DLGAP2: variants seen among roughly 807,000 people sequenced by gnomAD.
DLGAP2 encodes the protein DLG associated protein 2, also known as disks large-associated protein 2.
A neutral mutation model predicts 100.3 loss-of-function variants in DLGAP2; 26 were observed. The ratio of observed to expected loss-of-function variants is 0.26; its 90% confidence interval spans 0.19 to 0.36. The LOEUF (loss-of-function observed/expected upper bound fraction) is 0.36. DLGAP2 is among the 10% of genes least tolerant of loss of function. DLGAP2 has a pLI of 1.00. For missense variants in DLGAP2, 1,858 were observed against 1,453.2 expected (o/e 1.28, Z -4.53); for synonymous variants, 886 against 630.1 (o/e 1.41, Z -6.08).
chr8:1,584,101 C>G (rs1796038037), intron 6 of DLGAP2, among the ~76,000 whole-genome samples: 1 of 152,140 alleles, frequency 6.6e-6, no homozygotes, highest in Non-Finnish European at 1.5e-5. Flanking sequence ...AGAGCTGTCT[C>G]ATTTATCATT....
At chr8:915,461 G>A (rs1798571253) in intron 2 of DLGAP2, among the ~76,000 whole-genome samples, 1 of 152,032 alleles carries the variant, frequency 6.6e-6, no homozygotes, top group African/African-American at 2.4e-5. Context: ...GCAGGAGAAT[G>A]GTGTGAGCCC....
At chr8:1,089,687 T>C (rs1804107079) in intron 2 of DLGAP2, among the ~76,000 whole-genome samples, 1 of 152,260 alleles carries the variant, frequency 6.6e-6, no homozygotes, top group Non-Finnish European at 1.5e-5. Context: ...ATAAATGCTG[T>C]GTTCATGATT....
chr8:1,434,396 T>C (rs1797555840), intron 3 of DLGAP2, among the ~76,000 whole-genome samples: 1 of 152,100 alleles, frequency 6.6e-6, no homozygotes, highest in African/African-American at 2.4e-5. Context: ...GCCCATCTCC[T>C]GTGTAAGAGA....
chr8:1,211,354 C>T (rs1340614778), intron 2 of DLGAP2, among the ~76,000 whole-genome samples: 2 of 152,198 alleles, frequency 1.3e-5, no homozygotes, highest in Admixed American at 6.5e-5. Flanking sequence ...CACCAGCCAA[C>T]GATCTTGTTT....
chr8:1,121,526 A>T (rs144135281), intron 2 of DLGAP2, among the ~76,000 whole-genome samples: 51 of 150,948 alleles, frequency 3.4e-4, no homozygotes, highest in African/African-American at 1.2e-3. Flanking sequence ...ATTACCACCT[A>T]TCCTTGTTCC....
intron 3 of DLGAP2, among the ~76,000 whole-genome samples, chr8:1,367,466 C>G (rs1802133801): frequency 6.6e-6 from 1 of 152,218 alleles, no homozygotes; most frequent in African/African-American, 2.4e-5. Flanking sequence ...ATTCATAACT[C>G]CCAAGCCCAG....
At position 937,657 on chromosome 8, in the gene DLGAP2, T is replaced by G. The variant is rs6984078; in HGVS notation, c.73+29691T>G. ...GAATACCCTTGGAAGGCAGGGGCCT[T>G]ATCTTGCCCAACTGCCTCGCTGGGT... On this transcript the variant is annotated intron_variant, in intron 2 of 14. Transcript: ENST00000637795. Among the ~76,000 whole-genome samples, 3 of 152,050 alleles carry G rather than the reference T, an allele frequency of 2.0e-5. No individual in the cohort carries two copies. In the East Asian group the frequency reaches 5.8e-4, roughly 29 times the overall value.
chr8:947,592 C>A (rs1381739262), intron 2 of DLGAP2, among the ~76,000 whole-genome samples: 1 of 152,202 alleles, frequency 6.6e-6, no homozygotes, highest in Non-Finnish European at 1.5e-5. Context: ...CAGTCTCACA[C>A]CAACCGGCCC....
intron 2 of DLGAP2, among the ~76,000 whole-genome samples, chr8:1,011,197 G>C (rs183987034): frequency 9.0e-4 from 135 of 150,554 alleles, no homozygotes; most frequent in Non-Finnish European, 1.3e-3. Flanking sequence ...GGAATGAGGG[G>C]TCTCAGTCTG....
chr8:1,257,234 C>G (rs908070588), intron 2 of DLGAP2, among the ~76,000 whole-genome samples: 1 of 152,166 alleles, frequency 6.6e-6, no homozygotes, highest in African/African-American at 2.4e-5. Context: ...ACCTGCCACA[C>G]ACACGGCTCC....
Position 882,386 on chromosome 8 carries a change from C to T in DLGAP2, c.19-25526C>T, listed in dbSNP as rs1294306111. On this transcript the variant is annotated intron_variant, in intron 1 of 14. Transcript: ENST00000637795. Reference sequence around the variant, plus strand: ...CTGCGCGCACCCTCGCCTGATCCAGCGGTACCTCTCCCTGCGGAGGCCTCT... The same window carrying T: ...CTGCGCGCACCCTCGCCTGATCCAGTGGTACCTCTCCCTGCGGAGGCCTCT... Among the ~76,000 whole-genome samples, 7 of 148,202 alleles carry T rather than the reference C, an allele frequency of 4.7e-5. No homozygotes were observed. In the East Asian group the frequency reaches 8.2e-4, roughly 17 times the overall value.
At chr8:814,076 G>A (rs1796419930) in intron 1 of DLGAP2, among the ~76,000 whole-genome samples, 1 of 152,158 alleles carries the variant, frequency 6.6e-6, no homozygotes, top group East Asian at 1.9e-4. Flanking sequence ...GATCTAATGT[G>A]TCTTTGAAGG....
chr8:1,159,259 G>A (rs959065306), intron 2 of DLGAP2, among the ~76,000 whole-genome samples: 2 of 152,186 alleles, frequency 1.3e-5, no homozygotes, highest in Non-Finnish European at 1.5e-5. Context: ...TCAAATTACT[G>A]CTTTATCTGT....
At chr8:1,318,762 C>A (rs1473468418) in intron 3 of DLGAP2, among the ~76,000 whole-genome samples, 1 of 148,086 alleles carries the variant, frequency 6.8e-6, no homozygotes, top group African/African-American at 2.5e-5. Flanking sequence ...TGTAACTAAT[C>A]CATTGTCAGT....
intron 3 of DLGAP2, among the ~76,000 whole-genome samples, chr8:1,306,843 C>T (rs533412490): frequency 6.6e-6 from 1 of 152,254 alleles, no homozygotes; most frequent in Non-Finnish European, 1.5e-5. Context: ...TGGATATCAA[C>T]ATATAAATAA....
chr8:1,166,083 C>T (rs1395006198), intron 2 of DLGAP2, among the ~76,000 whole-genome samples: 1 of 152,262 alleles, frequency 6.6e-6, no homozygotes, highest in East Asian at 1.9e-4. Flanking sequence ...AGAGGAGGCT[C>T]TTGCCCTCTC....
intron 2 of DLGAP2, among the ~76,000 whole-genome samples, chr8:1,107,958 C>G (rs1289130283): frequency 6.6e-6 from 1 of 152,202 alleles, no homozygotes; most frequent in Non-Finnish European, 1.5e-5. Flanking sequence ...GTGGACTCAG[C>G]TTTCCTTCCT....
intron 6 of DLGAP2, among the ~76,000 whole-genome samples, chr8:1,580,472 G>A (rs1388454682): frequency 6.6e-6 from 1 of 152,182 alleles, no homozygotes; most frequent in African/African-American, 2.4e-5. Flanking sequence ...AAGAGCATCC[G>A]AGAGCTGCAG....
chr8:1,079,738 A>G (rs955324317), intron 2 of DLGAP2, among the ~76,000 whole-genome samples: 5 of 152,182 alleles, frequency 3.3e-5, no homozygotes, highest in African/African-American at 1.2e-4. Flanking sequence ...CATGGACATA[A>G]ATAGCAGCAA....
Sources: allele counts gnomAD v4.1 joint callset (sites outside exome capture counted in the v4.1 genomes callset), GRCh38; gene constraint gnomAD v4.1.1; transcripts MANE v1.5; gene names NCBI Gene and HGNC (gene_info 2026-07-23, HGNC 2026-07-21).